The following ZNF267 variants were observed in gnomAD, a reference collection of about 807,000 sequenced individuals.
ZNF267 encodes the protein zinc finger (C2H2).
ZNF267 carries 61 observed loss-of-function variants against 71.6 expected under a neutral mutation model. That is an observed-to-expected ratio of 0.85 (90% CI 0.69 to 1.05). The LOEUF (loss-of-function observed/expected upper bound fraction) is 1.05, where lower values mean the gene tolerates loss of function less well. Among genes scored for constraint, ZNF267 ranks in the 50% least tolerant of loss-of-function variants. ZNF267 has a pLI of 0.00. For synonymous variants in ZNF267, 288 were observed against 293.2 expected, an observed-to-expected ratio of 0.98 and a Z score of 0.18; for missense variants, 852 against 870.0, an observed-to-expected ratio of 0.98 and a Z score of 0.26.
chr16:31,910,626 CTTCT>C (rs2084128520), intron 3 of ZNF267, among the ~76,000 whole-genome samples: 1 of 151,016 alleles, frequency 6.6e-6, no homozygotes, highest in African/African-American at 2.5e-5. Flanking sequence ...TTATGTGGGT[CTTCT>C]TTTTTTCTTA....
chr16:31,874,678 T>G (rs896129343), intron 1 of ZNF267, among the ~76,000 whole-genome samples: 4 of 152,220 alleles, frequency 2.6e-5, no homozygotes, highest in African/African-American at 9.6e-5. Context: ...TGGGGCACTA[T>G]AACCACTTCC....
intron 3 of ZNF267, among the ~76,000 whole-genome samples, chr16:31,890,605 G>A (rs563829461): frequency 1.2e-4 from 19 of 152,272 alleles, no homozygotes; most frequent in African/African-American, 4.3e-4. Context: ...CCACAGATTG[G>A]CTAATTTATA....
intron 3 of ZNF267, among the ~76,000 whole-genome samples, chr16:31,892,670 A>G (rs980230999): frequency 6.6e-5 from 10 of 152,214 alleles, no homozygotes; most frequent in African/African-American, 2.4e-4. Flanking sequence ...GCCAAAACAA[A>G]GGGGCTATAA....
intron 1 of ZNF267, among the ~76,000 whole-genome samples, chr16:31,879,893 A>G (rs1268820468): frequency 1.3e-5 from 2 of 152,180 alleles, no homozygotes; most frequent in Non-Finnish European, 2.9e-5. Flanking sequence ...ATGCCCATGA[A>G]TGTGCAGAAG....
chr16:31,907,572 T>C (rs571300985), intron 3 of ZNF267, among the ~76,000 whole-genome samples: 2 of 152,204 alleles, frequency 1.3e-5, no homozygotes, highest in Admixed American at 1.3e-4. Context: ...TCTTTTAGTT[T>C]AGTTGTGTTC....
In ZNF267 at chr16:31,883,389, T is replaced by G. The variant is rs1221826188; in HGVS notation, c.4-1109T>G. ...CACAGAAATATTATCTTACTTTTAGTGTGTATATAGTTACCATTATGTGCA... is the reference window on the plus strand; with the variant it reads ...CACAGAAATATTATCTTACTTTTAGGGTGTATATAGTTACCATTATGTGCA... On this transcript the variant is annotated intron_variant, in intron 1 of 3. Transcript: ENST00000300870. Among the ~76,000 whole-genome samples, 6 of 152,208 alleles carry G rather than the reference T, an allele frequency of 3.9e-5. No homozygotes were observed. The East Asian group carries it at 1.2e-3, about 29-fold the overall frequency.
intron 3 of ZNF267, among the ~76,000 whole-genome samples, chr16:31,899,522 C>T (rs1037235762): frequency 6.6e-6 from 1 of 152,118 alleles, no homozygotes; most frequent in African/African-American, 2.4e-5. Flanking sequence ...CTCTGGGACA[C>T]ATTTAAAGCA....
Position 31,873,848 on chromosome 16 carries a change from GT to G in ZNF267, c.-117del. On this transcript the variant is annotated 5_prime_UTR_variant, in exon 1 of 4. Coordinates refer to ENST00000300870, the MANE Select transcript of ZNF267 (RefSeq NM_003414.6). ...TCCTCGCCACAGCTCCGAGTCTTTC[GT>G]TCTGGGAGGCCCAGGCGGCTTCGCG... The G allele has an allele frequency of 7.0e-7, 1 of 1,427,740 alleles. No homozygotes were observed. The highest frequency in any genetic ancestry group is 1.2e-5 in the South Asian group (1 of 86,060). 88.4% of individuals were successfully genotyped at this position (1,427,740 alleles called of 1,614,324 possible).
At chr16:31,882,648 T>A (rs1417201196) in intron 1 of ZNF267, among the ~76,000 whole-genome samples, 1 of 152,230 alleles carries the variant, frequency 6.6e-6, no homozygotes, top group Non-Finnish European at 1.5e-5. Flanking sequence ...AGTTTGAAGA[T>A]CTATGGTCAC....
chr16:31,894,719 A>G (rs1194479521), intron 3 of ZNF267: 6 of 476,830 alleles, frequency 1.3e-5, no homozygotes, highest in African/African-American at 1.2e-4. Flanking sequence ...GGGCATTCCA[A>G]ATGCTCTAAT....
chr16:31,896,838 G>A (rs1567476297), intron 3 of ZNF267, among the ~76,000 whole-genome samples: 1 of 151,884 alleles, frequency 6.6e-6, no homozygotes, highest in African/African-American at 2.4e-5. Context: ...GATCAGAGTT[G>A]CATTAAATTC....
At chr16:31,896,805 G>T (rs1303353889) in intron 3 of ZNF267, among the ~76,000 whole-genome samples, 3 of 151,910 alleles carry the variant, frequency 2.0e-5, no homozygotes, top group Non-Finnish European at 2.9e-5. Context: ...TTCTATTTCT[G>T]TGAAGAATGC....
intron 3 of ZNF267, among the ~76,000 whole-genome samples, chr16:31,898,982 C>A (rs529639637): frequency 1.3e-5 from 2 of 152,100 alleles, no homozygotes; most frequent in Non-Finnish European, 2.9e-5. Flanking sequence ...GCAAGAAGAG[C>A]TAACTATCCT....
intron 1 of ZNF267, among the ~76,000 whole-genome samples, chr16:31,883,308 C>T (rs1294413545): frequency 1.3e-5 from 2 of 151,978 alleles, no homozygotes; most frequent in Non-Finnish European, 2.9e-5. Flanking sequence ...AAAGGCATCA[C>T]CCACAAAGAG....
At chr16:31,878,436 A>G (rs979018588) in intron 1 of ZNF267, among the ~76,000 whole-genome samples, 1 of 152,094 alleles carries the variant, frequency 6.6e-6, no homozygotes, top group African/African-American at 2.4e-5. Flanking sequence ...ATCCCAGGAG[A>G]AGGCTTGACT....
At chr16:31,905,431 C>T (rs141791431) in intron 3 of ZNF267, among the ~76,000 whole-genome samples, 2,253 of 152,252 alleles carry the variant, frequency 0.015, 59 homozygotes, top group African/African-American at 0.049. Flanking sequence ...ACCAATGAGA[C>T]GTAGATTTGG....
At chr16:31,891,469 A>T (rs543518382) in intron 3 of ZNF267, among the ~76,000 whole-genome samples, 46 of 152,204 alleles carry the variant, frequency 3.0e-4, no homozygotes, top group African/African-American at 1.1e-3. Flanking sequence ...TTAGCATTTG[A>T]TATGGTTTGG....
rs553281664 is a variant in ZNF267, at chr16:31,916,584, A to G, written c.*103A>G. On this transcript the variant is annotated 3_prime_UTR_variant, in exon 4 of 4. Transcript: ENST00000300870. ...ACCCTACAAATGTTAAGAATGTGGC[A>G]TAACCTTTAACTATTTTCAAGCCTT... 22 of 1,145,450 alleles carry G rather than the reference A, an allele frequency of 1.9e-5. No individual in the cohort carries two copies. In the African/African-American group the frequency reaches 3.1e-4, roughly 16 times the overall value. The allele number at this position is 1,145,450 out of a possible 1,614,324, so 71.0% of individuals were successfully genotyped here. A position where few individuals can be genotyped will look rare whatever the true frequency, so the allele number is the denominator to read the frequency against.
intron 3 of ZNF267, among the ~76,000 whole-genome samples, chr16:31,897,137 A>C (rs1360878970): frequency 1.3e-5 from 2 of 151,350 alleles, no homozygotes; most frequent in Non-Finnish European, 2.9e-5. Flanking sequence ...CAAACACCAA[A>C]AAAACAAAAC....
Sources: gnomAD v4.1 joint callset for allele counts (sites outside exome capture counted in the v4.1 genomes callset) on GRCh38, gnomAD v4.1.1 for gene constraint, MANE v1.5 for transcripts, NCBI Gene and HGNC (gene_info 2026-07-23, HGNC 2026-07-21) for gene names.